The following CEP95 variants were observed in gnomAD, a reference collection of about 807,000 sequenced individuals.
CEP95 encodes centrosomal protein of 95 kDa.
Under a neutral mutation model 111.2 loss-of-function variants are expected in CEP95, and 98 were observed. The observed-to-expected ratio is 0.88, with a 90% CI of 0.75 to 1.04. The LOEUF (loss-of-function observed/expected upper bound fraction) is 1.04, where lower values mean the gene tolerates loss of function less well. CEP95 is among the 50% of genes least tolerant of loss of function. CEP95 has a pLI of 0.00. For missense variants in CEP95, 1,027 were observed against 977.2 expected (o/e 1.05, Z -0.68); for synonymous variants, 323 against 327.1 (o/e 0.99, Z 0.14).
intron 3 of CEP95, among the ~76,000 whole-genome samples, chr17:64,512,574 A>G (rs536141538): frequency 2.0e-5 from 3 of 152,372 alleles, no homozygotes; most frequent in Non-Finnish European, 2.9e-5. Context: ...ATGTGAAACT[A>G]TAATCACAAA....
At chr17:64,506,773 A>G, upstream of CEP95, 1 of 516,404 alleles carries the variant, frequency 1.9e-6, no homozygotes, top group Non-Finnish European at 3.5e-6. Context: ...CGCTGCTCGC[A>G]CCCCGGGACC....
At chr17:64,527,543 T>TA (rs1967913459) in intron 11 of CEP95, among the ~76,000 whole-genome samples, 2 of 152,182 alleles carry the variant, frequency 1.3e-5, no homozygotes, top group Admixed American at 1.3e-4. Flanking sequence ...ACCACTGTCT[T>TA]AAAGTTGGCA....
chr17:64,529,569 G>C, intron 12 of CEP95, 142 bp downstream of exon 12: 16 of 809,834 alleles, frequency 2.0e-5, no homozygotes, highest in Non-Finnish European at 2.7e-5. Context: ...AGAGCTATGT[G>C]ACATAGCTTA....
upstream of CEP95, chr17:64,506,780 G>C (rs1330907912): frequency 1.9e-6 from 1 of 533,036 alleles, no homozygotes; most frequent in Admixed American, 3.4e-5. Flanking sequence ...CGCACCCCGG[G>C]ACCCGCCCGG....
intron 8 of CEP95, among the ~76,000 whole-genome samples, chr17:64,524,264 T>C (rs1967616061): frequency 6.6e-6 from 1 of 152,218 alleles, no homozygotes; most frequent in East Asian, 1.9e-4. Context: ...TTAAAAGTTT[T>C]ATTAAAATAT....
intron 6 of CEP95, among the ~76,000 whole-genome samples, chr17:64,521,188 G>C (rs1967306258): frequency 1.3e-5 from 2 of 152,162 alleles, no homozygotes; most frequent in South Asian, 4.1e-4. Flanking sequence ...AGTGCAGCGA[G>C]ATCACGCCAT....
At chr17:64,534,868 C>T in intron 17 of CEP95, 131 bp downstream of exon 17, 1 of 1,050,014 alleles carries the variant, frequency 9.5e-7, no homozygotes, top group East Asian at 2.6e-5. Flanking sequence ...TAGTGCTGGC[C>T]CTGAGTTCTG....
In CEP95 at chr17:64,537,909, C is replaced by CTT; in HGVS notation, c.*134_*135dup. On this transcript the variant is annotated 3_prime_UTR_variant, in exon 20 of 20. Transcript: ENST00000556440. ...CTTTACCTGTATTTTCATTCCAGTA[C>CTT]TTTTTATGATTTTTTAAATAAAAAT... 1 of 471,524 alleles carries CTT rather than the reference C, an allele frequency of 2.1e-6. No homozygotes were observed. The highest frequency in any genetic ancestry group is 3.5e-5 in the East Asian group (1 of 28,674). The allele number at this position is 471,524 out of a possible 1,614,324, so 29.2% of individuals were successfully genotyped here.
chr17:64,534,212 GT>G (rs1555680989), intron 16 of CEP95: 1 of 202,118 alleles, frequency 4.9e-6, no homozygotes, highest in Non-Finnish European at 1.0e-5. Flanking sequence ...AATTTCCTTA[GT>G]TTTTGCCTAA....
intron 14 of CEP95, 167 bp downstream of exon 14, chr17:64,532,189 C>T: frequency 7.6e-7 from 1 of 1,308,130 alleles, no homozygotes; most frequent in Non-Finnish European, 9.7e-7. Context: ...AGGGCTAAAA[C>T]TCTTCAATAA....
Position 64,533,155 on chromosome 17 carries a change from C to A in CEP95, c.1881C>A (p.Thr627=). The change falls in exon 16 of 20, where the codon ACC becomes ACA. Residue 627 remains threonine, a synonymous_variant. Transcript: ENST00000556440. ...EALRRHDLLT[T]LVKKEYEHNK... is the part of the protein sequence containing the mutation. ...TAAGAAGGCATGACCTCCTTACTAC[C>A]CTTGTCAAGAAAGAATATGAACATA... is the stretch of plus-strand genomic sequence containing the variant. The A allele has an allele frequency of 6.3e-7, 1 of 1,592,686 alleles. No individual in the cohort carries two copies.
rs1968102705 is a variant in CEP95, at chr17:64,529,402, CAG to C, written c.1423_1424del (p.Asp475CysfsTer11). ...AAAAGGCAGCGCAAGCCAAGAGAAA[CAG>C]ATGTCCGCCAATTCCAAGCACAGGT... On this transcript the variant is annotated frameshift_variant, in exon 12 of 20. Coordinates refer to ENST00000556440, the MANE Select transcript of CEP95 (RefSeq NM_138363.3). LOFTEE classifies it high-confidence loss of function. The C allele has an allele frequency of 6.2e-7, 1 of 1,613,770 alleles. No individual in the cohort carries two copies. Among genetic ancestry groups the C allele is most frequent in the Non-Finnish European group, 8.5e-7 (1 of 1,179,768 alleles).
At chr17:64,530,055 G>A (rs868960619) in intron 12 of CEP95, among the ~76,000 whole-genome samples, 5 of 152,128 alleles carry the variant, frequency 3.3e-5, no homozygotes, top group Admixed American at 6.5e-5. Flanking sequence ...CAGAAAAAAC[G>A]CATGATGTAA....
chr17:64,513,836 A>G (rs1377773844), intron 3 of CEP95, among the ~76,000 whole-genome samples: 2 of 152,188 alleles, frequency 1.3e-5, no homozygotes, highest in African/African-American at 4.8e-5. Context: ...AGAATAGGAT[A>G]CCACAATCTG....
intron 17 of CEP95, chr17:64,536,259 G>C (rs551462005): frequency 1.2e-5 from 2 of 163,620 alleles, no homozygotes; most frequent in South Asian, 3.3e-4. Context: ...GACCAGCCTG[G>C]GCAACATAGT....
Position 64,536,670 on chromosome 17 carries a change from T to C in CEP95, c.2139T>C (p.Tyr713=), listed in dbSNP as rs1968678707. Residue 713 remains tyrosine, a synonymous_variant, in exon 18 of 20, where the codon TAT becomes TAC. Coordinates refer to ENST00000556440, the MANE Select transcript of CEP95 (RefSeq NM_138363.3). ...QKQRLRDLRN[Y]AKEKRDEQRR... is the part of the protein sequence containing the mutation. ...AAAGATTACGAGACCTAAGAAACTA[T>C]GCCAAAGAAAAGCGAGATGAACAAA... is the stretch of plus-strand genomic sequence containing the variant. 3 of 1,613,272 alleles carry C rather than the reference T, an allele frequency of 1.9e-6. No individual in the cohort carries two copies. The highest frequency in any genetic ancestry group is 3.3e-5 in the Admixed American group (2 of 59,884).
rs1555679291 is a variant in CEP95 at position 64,527,209 on chromosome 17, A to G, written c.1251A>G (p.Thr417=). Residue 417 remains threonine (T), a synonymous_variant, in exon 11 of 20, where the codon ACA becomes ACG. Transcript: ENST00000556440. ...NEEVEDGTEE[T]LSQHSDGIVE... is the part of the protein sequence containing the mutation. ...AGGTAGAGGATGGAACTGAGGAGAC[A>G]CTGTCTCAGCACAGTGATGGCATCG... 2 of 1,613,838 alleles carry G rather than the reference A, an allele frequency of 1.2e-6. No homozygotes were observed. Among genetic ancestry groups the G allele is most frequent in the Non-Finnish European group, 1.7e-6 (2 of 1,179,772 alleles).
At chr17:64,536,094 T>C (rs1968634171) in intron 17 of CEP95, 1 of 152,330 alleles carries the variant, frequency 6.6e-6, no homozygotes, top group Admixed American at 6.5e-5. Flanking sequence ...CGGTTTCTTT[T>C]TGGGGTGGTA....
At chr17:64,510,322 A>G (rs955216832) in intron 3 of CEP95, 42 bp downstream of exon 3, 5 of 1,201,308 alleles carry the variant, frequency 4.2e-6, no homozygotes, top group Admixed American at 3.8e-5. Flanking sequence ...GCATTTTAGT[A>G]AAAATAATTG....
Sources: allele counts gnomAD v4.1 joint callset (sites outside exome capture counted in the v4.1 genomes callset), GRCh38; gene constraint gnomAD v4.1.1; transcripts MANE v1.5; gene names NCBI Gene and HGNC (gene_info 2026-07-23, HGNC 2026-07-21).